Variants in CPAP observed in about 807,000 individuals in gnomAD.
The protein encoded by CPAP is centrosome assembly and centriole elongation protein, also known as centrosomal P4.1-associated protein.
At chr13:24,912,903 G>A in the CPAP span, 2 of 1,614,096 alleles carry the variant, frequency 1.2e-6, no homozygotes, top group South Asian at 2.2e-5. Context: ...GCTTCTCTTT[G>A]TCTGCTTCCA....
the CPAP span, chr13:24,905,585 G>A: frequency 3.7e-6 from 6 of 1,614,206 alleles, no homozygotes; most frequent in African/African-American, 1.3e-5. Flanking sequence ...CGTCCCATAA[G>A]TGGATTCATT....
the CPAP span, among the ~76,000 whole-genome samples, chr13:24,931,316 T>TTTTTTTG: frequency 6.8e-6 from 1 of 146,850 alleles, no homozygotes; most frequent in Admixed American, 6.7e-5. Flanking sequence ...CTTTTTTTTT[T>TTTTTTTG]TTTTGCATGC....
the CPAP span, chr13:24,933,055 T>G: frequency 6.3e-7 from 1 of 1,590,242 alleles, no homozygotes; most frequent in Non-Finnish European, 8.6e-7. Flanking sequence ...AGTGAAGTAC[T>G]TACCTCGGCA....
the CPAP span, among the ~76,000 whole-genome samples, chr13:24,913,287 C>T: frequency 2.6e-5 from 4 of 151,958 alleles, no homozygotes; most frequent in Admixed American, 6.6e-5. Flanking sequence ...AGATCAAAAA[C>T]GTAAGATCCT....
At chr13:24,896,190 T>C in the CPAP span, among the ~76,000 whole-genome samples, 7 of 152,170 alleles carry the variant, frequency 4.6e-5, no homozygotes, top group African/African-American at 1.4e-4. Flanking sequence ...TACCCAGGGT[T>C]ACACATGATA....
At chr13:24,905,357 TCTTGA>T in the CPAP span, 12 of 1,614,002 alleles carry the variant, frequency 7.4e-6, no homozygotes, top group South Asian at 2.2e-5. Context: ...AGGTGGTTGG[TCTTGA>T]CTTATGTTTA....
chr13:24,900,984 A>G, the CPAP span, among the ~76,000 whole-genome samples: 2 of 152,184 alleles, frequency 1.3e-5, no homozygotes, highest in South Asian at 2.1e-4. Context: ...TAAATGATCA[A>G]TTTAAACACT....
the CPAP span, chr13:24,889,185 T>C: frequency 1.4e-6 from 1 of 734,670 alleles, no homozygotes; most frequent in Admixed American, 2.1e-5. Context: ...GGAGCTTCAA[T>C]TACATTTATT....
At chr13:24,909,986 G>A in the CPAP span, 14 of 1,614,028 alleles carry the variant, frequency 8.7e-6, no homozygotes, top group Admixed American at 6.7e-5. Context: ...TTGGGTCCGG[G>A]TAGACATATG....
chr13:24,901,499 A>C, the CPAP span, among the ~76,000 whole-genome samples: 13 of 152,168 alleles, frequency 8.5e-5, no homozygotes, highest in African/African-American at 2.7e-4. Context: ...AATTTATCAC[A>C]AGGAAGTAGA....
At chr13:24,908,061 G>GT in the CPAP span, 1 of 1,612,958 alleles carries the variant, frequency 6.2e-7, no homozygotes, top group South Asian at 1.1e-5. Flanking sequence ...TCATGTTTTT[G>GT]TAAGTTCTTA....
the CPAP span, among the ~76,000 whole-genome samples, chr13:24,915,231 G>A: frequency 1.4e-4 from 21 of 152,252 alleles, no homozygotes; most frequent in Non-Finnish European, 2.6e-4. Context: ...TTTCCTGGCT[G>A]AGCACCTGGA....
the CPAP span, among the ~76,000 whole-genome samples, chr13:24,932,219 A>T: frequency 6.6e-6 from 1 of 152,240 alleles, no homozygotes; most frequent in Non-Finnish European, 1.5e-5. Flanking sequence ...TCCAAAGGGC[A>T]GCTTTCTTTG....
At chr13:24,909,679 A>G in the CPAP span, 1 of 1,013,270 alleles carries the variant, frequency 9.9e-7, no homozygotes, top group Non-Finnish European at 1.5e-6. Flanking sequence ...GCAACACGGC[A>G]ACACTCCATC....
At chr13:24,896,601 A>T in the CPAP span, among the ~76,000 whole-genome samples, 2 of 152,280 alleles carry the variant, frequency 1.3e-5, no homozygotes, top group Admixed American at 1.3e-4. Context: ...TTGCAAGAAA[A>T]GAAAACCCAC....
the CPAP span, chr13:24,906,979 A>G: frequency 6.2e-7 from 1 of 1,607,492 alleles, no homozygotes; most frequent in Non-Finnish European, 8.5e-7. Flanking sequence ...AAAGAATAAT[A>G]TTTGAATTAA....
chr13:24,886,159 A>ATC, the CPAP span: 2 of 485,238 alleles, frequency 4.1e-6, no homozygotes, highest in East Asian at 1.4e-4. Flanking sequence ...AGTGAGGTGA[A>ATC]TCTCTCTCTA....
chr13:24,915,682 G>A, the CPAP span, among the ~76,000 whole-genome samples: 6 of 152,108 alleles, frequency 3.9e-5, no homozygotes, highest in Non-Finnish European at 7.4e-5. Context: ...GCGGGAGCCT[G>A]TAATCCCAGC....
the CPAP span, chr13:24,910,090 A>G: frequency 9.4e-5 from 151 of 1,610,826 alleles, no homozygotes; most frequent in African/African-American, 9.3e-4. Context: ...CTCAAACCTT[A>G]CAATTAAGAA....
Sources: allele counts gnomAD v4.1 joint callset (sites outside exome capture counted in the v4.1 genomes callset), GRCh38; gene constraint gnomAD v4.1.1; transcripts MANE v1.5; gene names NCBI Gene and HGNC (gene_info 2026-07-23, HGNC 2026-07-21).